The following CSAD variants were observed in gnomAD, a reference collection of about 807,000 sequenced individuals.
The protein encoded by CSAD is P-selectin cytoplasmic tail-associated protein.
Under a neutral mutation model 61.5 loss-of-function variants are expected in CSAD, and 47 were observed. The ratio of observed to expected loss-of-function variants is 0.76; its 90% CI spans 0.60 to 0.97. The LOEUF (loss-of-function observed/expected upper bound fraction) is 0.97, where lower values mean the gene tolerates loss of function less well. CSAD is among the 50% of genes least tolerant of loss of function. CSAD has a pLI of 0.00. For missense variants in CSAD, 611 were observed against 643.6 expected, an observed-to-expected ratio of 0.95 and a Z score of 0.55; for synonymous variants, 245 against 252.7, an observed-to-expected ratio of 0.97 and a Z score of 0.29.
At chr12:53,159,755 G>C (rs1185077483) in intron 15 of CSAD, 43 bp from the exon 16 acceptor site, 37 of 1,560,314 alleles carry the variant, frequency 2.4e-5, no homozygotes, top group Non-Finnish European at 3.1e-5. Context: ...TGAGAAAGGG[G>C]GACCGTTTTC....
rs1941343556 is a variant in CSAD, at chr12:53,179,125, T to G, written c.-73A>C. 6.6e-6 allele frequency: 1 copy of G among 152,310 alleles called. No homozygotes were observed. Among genetic ancestry groups the G allele is most frequent in the Non-Finnish European group, 1.5e-5 (1 of 68,120 alleles). 9.4% of individuals were successfully genotyped at this position (152,310 alleles called of 1,614,324 possible). On this transcript the variant is annotated 5_prime_UTR_variant, in exon 2 of 17. Transcript: ENST00000444623. ...ACCTCGGCTTCCCAACGTGCTGGGA[T>G]TACAGGTGTGAGCCACCCTGCCCGG...
At chr12:53,165,456 C>T (rs374320241) in intron 10 of CSAD, among the ~76,000 whole-genome samples, 3 of 151,576 alleles carry the variant, frequency 2.0e-5, no homozygotes, top group African/African-American at 4.8e-5. Flanking sequence ...GTTGGGAGAT[C>T]GAGACCATCC....
intron 10 of CSAD, among the ~76,000 whole-genome samples, chr12:53,161,897 T>C (rs1227963326): frequency 6.6e-6 from 1 of 151,958 alleles, no homozygotes; most frequent in Non-Finnish European, 1.5e-5. Flanking sequence ...GAGTTTGAGG[T>C]TACAATGAGC....
intron 2 of CSAD, among the ~76,000 whole-genome samples, chr12:53,174,486 G>A (rs147651076): frequency 8.6e-5 from 13 of 151,848 alleles, no homozygotes; most frequent in African/African-American, 2.7e-4. Context: ...TTAAAATAAC[G>A]GTTCTTTTTA....
Position 53,179,959 on chromosome 12 carries a change from G to A in CSAD, c.-91+773C>T, listed in dbSNP as rs1395577642. The A allele has an allele frequency of 2.6e-6, 4 of 1,539,378 alleles. No homozygotes were observed. In the East Asian group the frequency reaches 9.1e-5, roughly 35 times the overall value. ...AGGACTCCCATAAGACTAGTCTACT[G>A]TGGGAGTCAGGGTCTTTTCCACGTG... On this transcript the variant is annotated intron_variant, in intron 1 of 16. Coordinates refer to ENST00000444623, the MANE Select transcript of CSAD (RefSeq NM_001244705.2).
intron 2 of CSAD, among the ~76,000 whole-genome samples, chr12:53,176,643 C>T (rs1677166165): frequency 6.6e-6 from 1 of 151,488 alleles, no homozygotes; most frequent in Admixed American, 6.6e-5. Context: ...GGCGAGAACC[C>T]GGGAGGCGGA....
intron 4 of CSAD, 82 bp downstream of exon 4, chr12:53,173,238 AAGAAAGAAGGAAGGAAGGGGGGGGG>A: frequency 1.9e-6 from 2 of 1,044,566 alleles, no homozygotes; most frequent in East Asian, 2.5e-5. Context: ...AAAAGGAAGG[AAGAAAGAAGGAAGGAAGGGGGGGGG>A]AGAAAGAAAA....
At chr12:53,170,287 AG>A (rs1592338110) in intron 9 of CSAD, 135 bp downstream of exon 9, 1 of 980,874 alleles carries the variant, frequency 1.0e-6, no homozygotes, top group East Asian at 2.5e-5. Flanking sequence ...TCTGGTAGAC[AG>A]GAACAGCAAT....
intron 15 of CSAD, 52 bp from the exon 16 acceptor site, chr12:53,159,764 TCCCTCTCCCTGCCCCTTTC>T (rs781687284): frequency 3.9e-6 from 6 of 1,539,704 alleles, no homozygotes; most frequent in South Asian, 1.2e-5. Flanking sequence ...GGGACCGTTT[TCCCTCTCCCTGCCCCTTTC>T]CCCTCTCCCT....
chr12:53,173,186 C>G (rs1227831061), intron 4 of CSAD, 159 bp downstream of exon 4: 2 of 689,902 alleles, frequency 2.9e-6, no homozygotes, highest in South Asian at 3.9e-5. Flanking sequence ...CCAGCCTGGC[C>G]GATAGAGCGA....
Position 53,171,329 on chromosome 12 carries a change from C to T in CSAD, c.564G>A (p.Lys188=). ...TLPPLALFTS[K]ECHYSIQKGA... is the part of the protein sequence containing the mutation. ...TGGGCCTGTGCCTCTTCCCCACCTC[C>T]TTCGATGTGAATAGGGCCAGGGGCG... Residue 188 remains lysine (K), a synonymous_variant, in exon 8 of 17, where the codon AAG becomes AAA. Coordinates refer to ENST00000444623, the MANE Select transcript of CSAD (RefSeq NM_001244705.2). 1 of 1,614,042 alleles carries T rather than the reference C, an allele frequency of 6.2e-7. No homozygotes were observed.
At chr12:53,179,898 G>A in intron 1 of CSAD, 1 of 1,609,672 alleles carries the variant, frequency 6.2e-7, no homozygotes. Context: ...AGACAGTCTG[G>A]TTTCCATTTT....
At position 53,160,337 on chromosome 12, in the gene CSAD, G is replaced by T. The variant is rs1432197797; in HGVS notation, c.967-18C>A. 1 of 1,612,092 alleles carries T rather than the reference G, an allele frequency of 6.2e-7. No homozygotes were observed. The highest frequency in any genetic ancestry group is 8.5e-7 in the Non-Finnish European group (1 of 1,178,292). ...AGCAGGTTCTGTGTGGGGGTGAGGA[G>T]ATTGTCAGACCCTACCCTCTCCACC... On this transcript the variant is annotated intron_variant, in intron 13 of 16. Coordinates refer to ENST00000444623, the MANE Select transcript of CSAD (RefSeq NM_001244705.2).
chr12:53,170,269 T>A, intron 9 of CSAD, 143 bp from the exon 10 acceptor site: 2 of 970,362 alleles, frequency 2.1e-6, no homozygotes, highest in Non-Finnish European at 1.6e-6. Context: ...TGGGAGACGC[T>A]GGCAGGCTCT....
chr12:53,165,215 C>G (rs964226083), intron 10 of CSAD, among the ~76,000 whole-genome samples: 1 of 152,048 alleles, frequency 6.6e-6, no homozygotes, highest in Non-Finnish European at 1.5e-5. Flanking sequence ...GCAGCCTGTG[C>G]CTGTGGTCCT....
At chr12:53,179,584 T>C (rs1592371952) in intron 1 of CSAD, 2 of 525,040 alleles carry the variant, frequency 3.8e-6, no homozygotes, top group Middle Eastern at 4.9e-4. Context: ...CCATTTTGTC[T>C]CTATTTTAGA....
In CSAD at chr12:53,159,877, G is replaced by C; in HGVS notation, c.1218+10C>G. 6.3e-7 allele frequency: 1 copy of C among 1,589,006 alleles called. No individual in the cohort carries two copies. The highest frequency in any genetic ancestry group is 8.6e-7 in the Non-Finnish European group (1 of 1,165,950). On this transcript the variant is annotated intron_variant, in intron 15 of 16. Coordinates refer to ENST00000444623, the MANE Select transcript of CSAD (RefSeq NM_001244705.2). ...TGGGGCAGGGGCCACAAAATAGAAA[G>C]GGGTCCTACCTCCATGACTAGCTCA...
Position 53,171,451 on chromosome 12 carries a change from G to A in CSAD, c.452-10C>T. The A allele has an allele frequency of 6.2e-7, 1 of 1,613,078 alleles. No homozygotes were observed. Among genetic ancestry groups the A allele is most frequent in the Non-Finnish European group, 8.5e-7 (1 of 1,179,840 alleles). On this transcript the variant is annotated splice_polypyrimidine_tract_variant and intron_variant, in intron 7 of 16. Transcript: ENST00000444623. ...TTGGAGATGGAGCCACCTGTCACAGGGAGGGGGCGGTGGCAAGAGGAAGGA... is the reference window on the plus strand; with the variant it reads ...TTGGAGATGGAGCCACCTGTCACAGAGAGGGGGCGGTGGCAAGAGGAAGGA...
intron 10 of CSAD, among the ~76,000 whole-genome samples, chr12:53,163,107 C>A (rs1314301222): frequency 6.6e-6 from 1 of 151,858 alleles, no homozygotes; most frequent in African/African-American, 2.4e-5. Context: ...TAGGGGTGCA[C>A]TCCTATAGTC....
Sources: gnomAD v4.1 joint callset for allele counts (sites outside exome capture counted in the v4.1 genomes callset) on GRCh38, gnomAD v4.1.1 for gene constraint, MANE v1.5 for transcripts, NCBI Gene and HGNC (gene_info 2026-07-23, HGNC 2026-07-21) for gene names.